The following B3GLCT variants were observed in gnomAD, a reference collection of about 807,000 sequenced individuals.
B3GLCT encodes the protein beta-1,3-glucosyltransferase.
In B3GLCT, 65 loss-of-function variants were observed where a neutral mutation model predicts 63.4. The ratio of observed to expected loss-of-function variants is 1.03; its 90% CI spans 0.84 to 1.26. B3GLCT has a LOEUF of 1.26. B3GLCT is among the 50% of genes most tolerant of loss of function. B3GLCT has a pLI of 0.00. For synonymous variants in B3GLCT, 233 were observed against 219.2 expected (o/e 1.06, Z -0.55); for missense variants, 577 against 604.8 (o/e 0.95, Z 0.48).
At chr13:31,252,237 A>G (rs1408608949) in intron 6 of B3GLCT, among the ~76,000 whole-genome samples, 1 of 152,210 alleles carries the variant, frequency 6.6e-6, no homozygotes, top group Non-Finnish European at 1.5e-5. Context: ...ATGGAAAGGA[A>G]CAACCAGTAC....
At chr13:31,255,205 C>G (rs1871675517) in intron 6 of B3GLCT, among the ~76,000 whole-genome samples, 1 of 152,034 alleles carries the variant, frequency 6.6e-6, no homozygotes, top group African/African-American at 2.4e-5. Flanking sequence ...TTCACAGTTG[C>G]TACAAAGAGA....
At chr13:31,232,567 A>G (rs1413433260) in intron 4 of B3GLCT, among the ~76,000 whole-genome samples, 1 of 152,184 alleles carries the variant, frequency 6.6e-6, no homozygotes, top group East Asian at 1.9e-4. Flanking sequence ...CCTACTTCCA[A>G]CATTGGGGAT....
chr13:31,213,143 C>T (rs182465541), intron 1 of B3GLCT, among the ~76,000 whole-genome samples: 4 of 152,240 alleles, frequency 2.6e-5, no homozygotes, highest in Admixed American at 1.3e-4. Flanking sequence ...ACTGGGTAGG[C>T]GCTGCCTGGT....
chr13:31,329,649 G>T lies in B3GLCT; in HGVS notation c.1478G>T (p.Gly493Val), dbSNP rs1459432400. 1.1e-5 allele frequency: 18 copies of T among 1,614,206 alleles called. No homozygotes were observed. Among genetic ancestry groups the T allele is most frequent in the Non-Finnish European group, 1.5e-5 (18 of 1,180,032 alleles). The part of the protein sequence containing the change: ...EDKARQETQK[G>V]FREEL ...AAAGCCAGGCAGGAGACACAGAAAG[G>T]TTTTCGAGAGGAGTTATAAATCAGG... is the stretch of plus-strand genomic sequence containing the variant. The change falls in exon 15 of 15, where the codon GGT (glycine) becomes GTT (valine). Residue 493 changes from glycine to valine, a missense_variant. Physicochemically the swap from Gly to Val is moderately radical, Grantham distance 109 (BLOSUM62 -3). Coordinates refer to ENST00000343307, the MANE Select transcript of B3GLCT (RefSeq NM_194318.4).
intron 6 of B3GLCT, among the ~76,000 whole-genome samples, chr13:31,260,178 T>C (rs1871957253): frequency 6.6e-6 from 1 of 152,242 alleles, no homozygotes; most frequent in South Asian, 2.1e-4. Flanking sequence ...TCAGGGACTT[T>C]GCATTAAGTC....
intron 2 of B3GLCT, among the ~76,000 whole-genome samples, chr13:31,217,681 A>G (rs951504650): frequency 1.3e-5 from 2 of 152,196 alleles, no homozygotes; most frequent in African/African-American, 2.4e-5. Flanking sequence ...TCCCAGCACC[A>G]TTTATTGAAT....
chr13:31,201,441 G>C (rs1267097220), intron 1 of B3GLCT, among the ~76,000 whole-genome samples: 1 of 152,230 alleles, frequency 6.6e-6, no homozygotes, highest in Admixed American at 6.5e-5. Context: ...AGAGAAGGCT[G>C]TAGTTGGTCT....
At chr13:31,328,121 G>A (rs778057625) in intron 14 of B3GLCT, among the ~76,000 whole-genome samples, 3 of 152,160 alleles carry the variant, frequency 2.0e-5, no homozygotes, top group Admixed American at 6.5e-5. Context: ...TTTTCTCAGC[G>A]GTAAATTGGA....
intron 2 of B3GLCT, among the ~76,000 whole-genome samples, chr13:31,222,069 T>A (rs1869836576): frequency 7.2e-6 from 1 of 139,138 alleles, no homozygotes. Context: ...CCTTCTGTGC[T>A]CCTGATTTTT....
At chr13:31,227,160 A>T (rs1262164175) in intron 3 of B3GLCT, among the ~76,000 whole-genome samples, 4 of 152,136 alleles carry the variant, frequency 2.6e-5, no homozygotes, top group Non-Finnish European at 5.9e-5. Flanking sequence ...ATTCAAGTTA[A>T]TGTATCTTGT....
chr13:31,254,881 C>T (rs2137819640), intron 6 of B3GLCT, among the ~76,000 whole-genome samples: 1 of 151,952 alleles, frequency 6.6e-6, no homozygotes, highest in Middle Eastern at 3.4e-3. Flanking sequence ...ACTAAAAATA[C>T]AAAAAATTAG....
intron 13 of B3GLCT, among the ~76,000 whole-genome samples, chr13:31,320,952 GT>G (rs1875302053): frequency 2.0e-5 from 3 of 152,158 alleles, no homozygotes; most frequent in Non-Finnish European, 4.4e-5. Context: ...TCAAATCTGG[GT>G]TTAATGCATT....
chr13:31,231,881 A>G (rs1321533131), intron 4 of B3GLCT, among the ~76,000 whole-genome samples: 1 of 152,184 alleles, frequency 6.6e-6, no homozygotes, highest in African/African-American at 2.4e-5. Context: ...CAGGTACAAG[A>G]GCACTGGATG....
At chr13:31,234,002 T>A (rs1252826700) in intron 4 of B3GLCT, among the ~76,000 whole-genome samples, 1 of 81,128 alleles carries the variant, frequency 1.2e-5, no homozygotes, top group Admixed American at 1.4e-4. Flanking sequence ...CAGCAGGCAG[T>A]TTTTCTTTTT....
rs143536366 is a variant in B3GLCT at position 31,255,450 on chromosome 13, A to G, written c.460-5496A>G. On this transcript the variant is annotated intron_variant, in intron 6 of 14. Transcript: ENST00000343307. ...TTTCTTCACAGAATTGGAAAAAACT[A>G]CTTTAAATTTCATGTGGAATAAAAA... Among the ~76,000 whole-genome samples, 943 of 152,302 alleles carry G rather than the reference A, an allele frequency of 6.2e-3. 7 individuals carry two copies. Among genetic ancestry groups the G allele is most frequent in the Admixed American group, 0.024 (360 of 15,298 alleles).
chr13:31,315,992 A>G (rs1874987652), intron 12 of B3GLCT, among the ~76,000 whole-genome samples: 3 of 152,204 alleles, frequency 2.0e-5, no homozygotes, highest in South Asian at 2.1e-4. Context: ...TACACAGAAG[A>G]CAAGAGTTGA....
chr13:31,270,335 C>T (rs763578101), intron 8 of B3GLCT, among the ~76,000 whole-genome samples: 1 of 152,172 alleles, frequency 6.6e-6, no homozygotes, highest in African/African-American at 2.4e-5. Flanking sequence ...GACTTTCTGA[C>T]TTCTCAGCTG....
At chr13:31,290,647 A>G (rs770116667) in intron 12 of B3GLCT, among the ~76,000 whole-genome samples, 68 of 152,216 alleles carry the variant, frequency 4.5e-4, no homozygotes, top group Non-Finnish European at 8.2e-4. Context: ...TGTTGGCCAC[A>G]TAAATGTCTT....
chr13:31,274,397 A>G (rs886510479), intron 8 of B3GLCT, 112 bp from the exon 9 acceptor site: 3 of 1,384,808 alleles, frequency 2.2e-6, no homozygotes, highest in African/African-American at 2.8e-5. Context: ...GATATGGTTC[A>G]GCCTACTCTC....
Sources: allele counts gnomAD v4.1 joint callset (sites outside exome capture counted in the v4.1 genomes callset), GRCh38; gene constraint gnomAD v4.1.1; transcripts MANE v1.5; gene names NCBI Gene and HGNC (gene_info 2026-07-23, HGNC 2026-07-21).